The following SLC7A9 variants were observed in gnomAD, a reference collection of about 807,000 sequenced individuals.
SLC7A9 encodes B(0,+)-type amino acid transporter 1.
SLC7A9 carries 38 observed loss-of-function variants against 54.1 expected under a neutral mutation model. The observed-to-expected ratio is 0.70, with a 90% CI of 0.54 to 0.92. The LOEUF (loss-of-function observed/expected upper bound fraction) is 0.92, where lower values mean the gene tolerates loss of function less well. SLC7A9 is among the 40% of genes least tolerant of loss of function. The pLI, the probability that SLC7A9 is intolerant of heterozygous loss-of-function variation, is 0.00. For synonymous variants in SLC7A9, 264 were observed against 258.9 expected, an observed-to-expected ratio of 1.02 and a Z score of -0.19; for missense variants, 537 against 636.1, an observed-to-expected ratio of 0.84 and a Z score of 1.68.
At position 32,862,539 on chromosome 19, in the gene SLC7A9, CG is replaced by C. The variant is rs1568530415; in HGVS notation, c.525del (p.Tyr175Ter). ...VNSLSVRLGS[Y>X]VQNIFTAAKL... ...TTGGCCGCGGTGAAGATGTTCTGGA[CG>C]TAGCTTCCCAGCCGCACGCTCAGTG... On this transcript the variant is annotated frameshift_variant, in exon 5 of 13. Coordinates refer to ENST00000023064, the MANE Select transcript of SLC7A9 (RefSeq NM_014270.5). LOFTEE classifies it high-confidence loss of function. The C allele has an allele frequency of 1.2e-6, 2 of 1,613,756 alleles. No homozygotes were observed. The highest frequency in any genetic ancestry group is 4.5e-5 in the East Asian group (2 of 44,904).
In SLC7A9 at chr19:32,833,332, G is replaced by GA; in HGVS notation, c.1225-10dup. On this transcript the variant is annotated splice_polypyrimidine_tract_variant and intron_variant, in intron 11 of 12. Transcript: ENST00000023064. The stretch of plus-strand genomic sequence containing the variant: ...GGAATGACTACGGGCACCTGGAGAC[G>GA]AAAAACAGGTCATGGGTACCCATTT... 6.2e-7 allele frequency: 1 copy of GA among 1,613,836 alleles called. No individual in the cohort carries two copies. The highest frequency in any genetic ancestry group is 2.2e-5 in the East Asian group (1 of 44,872).
intron 7 of SLC7A9, 28 bp from the exon 8 acceptor site, chr19:32,859,992 A>G (rs755923128): frequency 6.2e-7 from 1 of 1,613,988 alleles, no homozygotes; most frequent in South Asian, 1.1e-5. Flanking sequence ...ACGGAGACCC[A>G]CGTTCAGACC....
In SLC7A9 at chr19:32,868,885, A is replaced by T. The variant is rs6510301; in HGVS notation, c.-111-240T>A. Among the ~76,000 whole-genome samples, 27,765 of 151,446 alleles carry T rather than the reference A, an allele frequency of 0.18. 2,645 individuals are homozygous for T. Among genetic ancestry groups the T allele is most frequent in the Non-Finnish European group, 0.2 (13,471 of 67,820 alleles). On this transcript the variant is annotated intron_variant, in intron 1 of 12. Coordinates refer to ENST00000023064, the MANE Select transcript of SLC7A9 (RefSeq NM_014270.5). ...TCATTCTACCTCTATGGTCAACTTC[A>T]TTTTTTTTCAAAAGTAAAAAGAAAT...
chr19:32,866,872 C>T (rs1398778855), intron 2 of SLC7A9, among the ~76,000 whole-genome samples: 2 of 152,212 alleles, frequency 1.3e-5, no homozygotes, highest in Non-Finnish European at 2.9e-5. Context: ...GCCCTGGAAG[C>T]GGAAGCCATC....
intron 7 of SLC7A9, 194 bp downstream of exon 7, chr19:32,860,412 A>G (rs1968763969): frequency 1.5e-6 from 2 of 1,372,450 alleles, no homozygotes; most frequent in South Asian, 1.5e-5. Flanking sequence ...TACAAAAATG[A>G]GTGAGCTGAG....
rs868599502 is a variant in SLC7A9, at chr19:32,862,083, C to G, written c.704+35G>C. On this transcript the variant is annotated intron_variant, in intron 6 of 12. Transcript: ENST00000023064. Reference sequence around the variant, plus strand: ...TTAAAGTCACCTGGAGAACCCCACCCACCCCCAGACTCGGGACATCTCAGG... The same window carrying G: ...TTAAAGTCACCTGGAGAACCCCACCGACCCCCAGACTCGGGACATCTCAGG... 6.3e-6 allele frequency: 9 copies of G among 1,427,470 alleles called. No homozygotes were observed. In the Middle Eastern group the frequency reaches 1.8e-3, roughly 280 times the overall value. The allele number at this position is 1,427,470 out of a possible 1,614,324, so 88.4% of individuals were successfully genotyped here. A position where few individuals can be genotyped will look rare whatever the true frequency, so the allele number is the denominator to read the frequency against.
chr19:32,855,657 A>G (rs181351550), intron 9 of SLC7A9, among the ~76,000 whole-genome samples: 40 of 152,104 alleles, frequency 2.6e-4, no homozygotes, highest in East Asian at 3.9e-4. Flanking sequence ...AGCCGAGATC[A>G]TGCCACTGCA....
chr19:32,863,406 T>A (rs2089802740), intron 4 of SLC7A9, among the ~76,000 whole-genome samples: 1 of 152,060 alleles, frequency 6.6e-6, no homozygotes, highest in Non-Finnish European at 1.5e-5. Flanking sequence ...GGATTACAGG[T>A]GTGGGCCACT....
intron 9 of SLC7A9, among the ~76,000 whole-genome samples, chr19:32,845,933 G>A (rs1410222897): frequency 2.0e-5 from 3 of 152,030 alleles, no homozygotes; most frequent in Non-Finnish European, 4.4e-5. Context: ...GAACCTAGGA[G>A]GCAGAAGTTG....
In SLC7A9 at chr19:32,860,632, G is replaced by A. The variant is rs146682721; in HGVS notation, c.723C>T (p.Ile241=). The part of the protein sequence containing the change: ...AYDGWNQLNY[I]TEELRNPYRN... ...TGTAAGGGTTTCTAAGTTCTTCTGT[G>A]ATGTAATTGAGTTGATTCCTGGAAA... Residue 241 remains isoleucine, a synonymous_variant, in exon 7 of 13, where the codon ATC becomes ATT. Coordinates refer to ENST00000023064, the MANE Select transcript of SLC7A9 (RefSeq NM_014270.5). 3.4e-4 allele frequency: 554 copies of A among 1,614,044 alleles called. 1 individual carries two copies. The highest frequency in any genetic ancestry group is 4.2e-4 in the Non-Finnish European group (499 of 1,180,026).
rs749775624 is a variant in SLC7A9, at chr19:32,864,255, T to C, written c.319A>G (p.Ile107Val). 1 of 1,614,140 alleles carries C rather than the reference T, an allele frequency of 6.2e-7. No individual in the cohort carries two copies. Among genetic ancestry groups the C allele is most frequent in the East Asian group, 2.2e-5 (1 of 44,884 alleles). ...GCCCAGGAGAAGAGGTAGGCGGGGA[T>C]GGGCCCGTAGGCCTCCATCAGGTAG... The part of the protein sequence containing the change: ...YPYLMEAYGP[I>V]PAYLFSWASL... Residue 107 changes from isoleucine (I) to valine (V), a missense_variant, in exon 4 of 13, where the codon ATC becomes GTC. By Grantham distance (29) the Ile-to-Val change is conservative (BLOSUM62 3). Transcript: ENST00000023064.
At chr19:32,856,797 G>A (rs932222071) in intron 9 of SLC7A9, among the ~76,000 whole-genome samples, 2 of 151,986 alleles carry the variant, frequency 1.3e-5, no homozygotes, top group South Asian at 2.1e-4. Flanking sequence ...GACTAGTCTC[G>A]AACTCCTGGC....
intron 12 of SLC7A9, among the ~76,000 whole-genome samples, chr19:32,831,132 A>T (rs1359655816): frequency 1.3e-5 from 2 of 151,618 alleles, no homozygotes; most frequent in African/African-American, 2.4e-5. Flanking sequence ...AGGCAGGCGG[A>T]TCACGAGGTC....
At chr19:32,830,817 G>C in intron 12 of SLC7A9, 133 bp from the exon 13 acceptor site, 1 of 686,874 alleles carries the variant, frequency 1.5e-6, no homozygotes, top group Non-Finnish European at 2.6e-6. Context: ...GCTCAGGATG[G>C]CCAGCTTTCC....
Position 32,830,549 on chromosome 19 carries a change from A to T in SLC7A9, c.*71T>A. The T allele has an allele frequency of 8.6e-7, 1 of 1,156,632 alleles. No individual in the cohort carries two copies. The highest frequency in any genetic ancestry group is 1.3e-6 in the Non-Finnish European group (1 of 764,284). 71.6% of individuals were successfully genotyped at this position (1,156,632 alleles called of 1,614,324 possible). A position where few individuals can be genotyped will look rare whatever the true frequency, so the allele number is the denominator to read the frequency against. On this transcript the variant is annotated 3_prime_UTR_variant, in exon 13 of 13. Transcript: ENST00000023064. ...AGTATATTTTATTCGTAAGAAAAAA[A>T]GGAAGAAATAACCACAAATATTGCT...
intron 10 of SLC7A9, among the ~76,000 whole-genome samples, chr19:32,843,460 C>CA (rs200851302): frequency 0.029 from 4,440 of 150,832 alleles, 136 homozygotes; most frequent in African/African-American, 0.082. Context: ...GACTCCGTAT[C>CA]AAAAAAAAAG....
At chr19:32,834,822 G>A (rs527239915) in intron 11 of SLC7A9, among the ~76,000 whole-genome samples, 15 of 151,862 alleles carry the variant, frequency 9.9e-5, no homozygotes, top group South Asian at 6.3e-4. Flanking sequence ...ACAGAGTCTC[G>A]CTCTGTCGCT....
chr19:32,863,625 T>C (rs1968871758), intron 4 of SLC7A9, among the ~76,000 whole-genome samples: 2 of 151,990 alleles, frequency 1.3e-5, no homozygotes, highest in Non-Finnish European at 2.9e-5. Context: ...CCTCCCAAAG[T>C]GGTGAGATTC....
rs5827823 is a variant in SLC7A9, at chr19:32,860,470, CA to C, written c.749+135del. 0.13 allele frequency: 161,078 copies of C among 1,226,382 alleles called. No individual in the cohort carries two copies. Among genetic ancestry groups the C allele is most frequent in the South Asian group, 0.15 (9,235 of 62,212 alleles). 76.0% of individuals were successfully genotyped at this position (1,226,382 alleles called of 1,614,324 possible). On this transcript the variant is annotated intron_variant, in intron 7 of 12. Transcript: ENST00000023064. The stretch of plus-strand genomic sequence containing the variant: ...TAGGCAACAGAGCAAGACTCTGTCT[CA>C]AAAAAAAAAAAAAAGAAATAATTCA...
Sources: allele counts gnomAD v4.1 joint callset (sites outside exome capture counted in the v4.1 genomes callset), GRCh38; gene constraint gnomAD v4.1.1; transcripts MANE v1.5; gene names NCBI Gene and HGNC (gene_info 2026-07-23, HGNC 2026-07-21).